The following TAFA1 variants were observed in gnomAD, a reference collection of about 807,000 sequenced individuals.
TAFA1 encodes TAFA chemokine like family member 1.
TAFA1 carries 4 observed loss-of-function variants against 18.5 expected under a neutral mutation model. The observed-to-expected ratio is 0.22, with a 90% CI of 0.11 to 0.49. TAFA1 has a LOEUF of 0.49. Ranked by LOEUF, TAFA1 falls within the 20% of genes least tolerant of loss-of-function variation. TAFA1 has a pLI of 0.98. For missense variants in TAFA1, 147 were observed against 169.0 expected (o/e 0.87, Z 0.72); for synonymous variants, 56 against 55.2 (o/e 1.01, Z -0.06).
At chr3:68,152,969 A>G (rs1177204627) in intron 2 of TAFA1, among the ~76,000 whole-genome samples, 1 of 152,120 alleles carries the variant, frequency 6.6e-6, no homozygotes, top group African/African-American at 2.4e-5. Context: ...CCAGCTGCTT[A>G]TAAGTCACAT....
At chr3:68,248,072 G>A (rs930116182) in intron 2 of TAFA1, among the ~76,000 whole-genome samples, 3 of 152,166 alleles carry the variant, frequency 2.0e-5, no homozygotes, top group Admixed American at 6.5e-5. Flanking sequence ...AGACTGTTGG[G>A]GGAAAATTCT....
At chr3:68,465,931 G>A (rs76750385) in intron 3 of TAFA1, among the ~76,000 whole-genome samples, 6,053 of 152,240 alleles carry the variant, frequency 0.04, 161 homozygotes, top group Middle Eastern at 0.078. Flanking sequence ...GGAATTGCAG[G>A]CAGCCTGTCT....
intron 2 of TAFA1, among the ~76,000 whole-genome samples, chr3:68,166,312 G>T (rs1028020833): frequency 1.3e-5 from 2 of 152,096 alleles, no homozygotes; most frequent in African/African-American, 4.8e-5. Context: ...TTTTCTCCCC[G>T]TAGCTCTTTG....
intron 3 of TAFA1, among the ~76,000 whole-genome samples, chr3:68,485,169 C>A (rs771782388): frequency 6.6e-6 from 1 of 152,034 alleles, no homozygotes; most frequent in Non-Finnish European, 1.5e-5. Flanking sequence ...TAACAATTGC[C>A]GCAGCTACAG....
intron 3 of TAFA1, among the ~76,000 whole-genome samples, chr3:68,438,573 G>A (rs1259694327): frequency 6.6e-6 from 1 of 151,994 alleles, no homozygotes; most frequent in East Asian, 1.9e-4. Context: ...GGCTCCATTA[G>A]GCATTGTTCT....
intron 2 of TAFA1, among the ~76,000 whole-genome samples, chr3:68,398,352 A>T (rs2070424300): frequency 6.6e-6 from 1 of 152,234 alleles, no homozygotes. Flanking sequence ...TGGTGCTGGG[A>T]AAACTGGCTA....
intron 2 of TAFA1, among the ~76,000 whole-genome samples, chr3:68,378,723 G>C (rs1332178476): frequency 6.6e-6 from 1 of 152,132 alleles, no homozygotes; most frequent in Non-Finnish European, 1.5e-5. Context: ...TGTTGAGGGA[G>C]GGAGGTGATT....
At chr3:68,242,878 A>G (rs762249916) in intron 2 of TAFA1, among the ~76,000 whole-genome samples, 11 of 151,910 alleles carry the variant, frequency 7.2e-5, no homozygotes, top group Admixed American at 6.6e-4. Context: ...TTTATCTCCT[A>G]TTTCCTAAGA....
chr3:68,391,909 C>G (rs565743992), intron 2 of TAFA1, among the ~76,000 whole-genome samples: 6 of 152,110 alleles, frequency 3.9e-5, no homozygotes, highest in Non-Finnish European at 7.4e-5. Context: ...AAAAGCATAT[C>G]AAAATGTAAA....
intron 2 of TAFA1, among the ~76,000 whole-genome samples, chr3:68,068,905 C>G (rs576843936): frequency 6.6e-6 from 1 of 152,108 alleles, no homozygotes; most frequent in South Asian, 2.1e-4. Flanking sequence ...GATTTAATCC[C>G]CATATTATTG....
At chr3:68,519,180 G>A (rs1279209072) in intron 3 of TAFA1, among the ~76,000 whole-genome samples, 2 of 152,144 alleles carry the variant, frequency 1.3e-5, no homozygotes, top group Admixed American at 6.5e-5. Context: ...ATTAGAAGAC[G>A]AGGGCCTCAT....
At chr3:68,423,890 G>T (rs1481895366) in intron 3 of TAFA1, among the ~76,000 whole-genome samples, 4 of 151,902 alleles carry the variant, frequency 2.6e-5, no homozygotes, top group Non-Finnish European at 5.9e-5. Flanking sequence ...AAGTTCAGAA[G>T]TCTTTCTTCT....
intron 3 of TAFA1, among the ~76,000 whole-genome samples, chr3:68,512,348 G>A (rs926920229): frequency 6.6e-6 from 1 of 151,912 alleles, no homozygotes; most frequent in Admixed American, 6.6e-5. Flanking sequence ...TCAACACAAA[G>A]AATAATGAGC....
At chr3:68,316,752 G>A (rs2068611943) in intron 2 of TAFA1, among the ~76,000 whole-genome samples, 1 of 152,290 alleles carries the variant, frequency 6.6e-6, no homozygotes, top group African/African-American at 2.4e-5. Flanking sequence ...CACATAGTAG[G>A]TCTCAATGAA....
chr3:68,005,269 T>C (rs1440334715), intron 1 of TAFA1, among the ~76,000 whole-genome samples: 3 of 152,232 alleles, frequency 2.0e-5, no homozygotes, highest in Non-Finnish European at 4.4e-5. Flanking sequence ...GTATGTTGTA[T>C]ACAAAAGTAA....
intron 3 of TAFA1, among the ~76,000 whole-genome samples, chr3:68,457,511 T>C (rs1053323934): frequency 6.6e-6 from 1 of 152,192 alleles, no homozygotes; most frequent in East Asian, 1.9e-4. Context: ...ACAAGTGGAC[T>C]TGCACTGTTC....
chr3:68,481,251 T>C (rs542149624), intron 3 of TAFA1, among the ~76,000 whole-genome samples: 12 of 152,340 alleles, frequency 7.9e-5, no homozygotes, highest in African/African-American at 2.9e-4. Flanking sequence ...AACTCTTGAC[T>C]GTTATCTGAC....
At chr3:68,509,946 A>ACTCTG (rs1289520157) in intron 3 of TAFA1, among the ~76,000 whole-genome samples, 28 of 152,046 alleles carry the variant, frequency 1.8e-4, no homozygotes, top group Admixed American at 1.8e-3. Context: ...TGCCCTCTTG[A>ACTCTG]CTCAAGCTAA....
intron 2 of TAFA1, among the ~76,000 whole-genome samples, chr3:68,324,204 T>G (rs1020539226): frequency 1.3e-5 from 2 of 152,220 alleles, no homozygotes; most frequent in African/African-American, 4.8e-5. Context: ...CACTACAGTT[T>G]GTGGATTGTG....
Sources: allele counts gnomAD v4.1 joint callset (sites outside exome capture counted in the v4.1 genomes callset), GRCh38; gene constraint gnomAD v4.1.1; transcripts MANE v1.5; gene names NCBI Gene and HGNC (gene_info 2026-07-23, HGNC 2026-07-21).